Variants in MAGI2 observed in about 807,000 individuals in gnomAD.
The protein encoded by MAGI2 is membrane-associated guanylate kinase, WW and PDZ domain-containing protein 2.
Under a neutral mutation model 133.3 loss-of-function variants are expected in MAGI2, and 35 were observed. The ratio of observed to expected loss-of-function variants is 0.26; its 90% confidence interval spans 0.20 to 0.35. The LOEUF is 0.35. Among genes scored for constraint, MAGI2 ranks in the 10% least tolerant of loss-of-function variants. The pLI is 1.00. For missense variants in MAGI2, 1,636 were observed against 1,863.4 expected (o/e 0.88, Z 2.25); for synonymous variants, 729 against 710.6 (o/e 1.03, Z -0.41).
chr7:79,266,745 A>G (rs535769059), intron 1 of MAGI2, among the ~76,000 whole-genome samples: 1 of 152,274 alleles, frequency 6.6e-6, no homozygotes, highest in South Asian at 2.1e-4. Context: ...CAAGGTGACT[A>G]TGGTCAGGGC....
At chr7:79,390,389 C>T (rs1844515255) in intron 1 of MAGI2, among the ~76,000 whole-genome samples, 1 of 152,080 alleles carries the variant, frequency 6.6e-6, no homozygotes, top group Admixed American at 6.6e-5. Context: ...GACAAAATAA[C>T]CTGAACATTT....
chr7:78,299,450 A>T (rs798347), intron 9 of MAGI2, among the ~76,000 whole-genome samples: 105,155 of 152,098 alleles, frequency 0.69, 37,000 homozygotes, highest in African/African-American at 0.8. Context: ...TATGATACAA[A>T]GCTTAGTTTA....
chr7:78,741,731 G>A (rs1044962466), intron 2 of MAGI2, among the ~76,000 whole-genome samples: 2 of 151,992 alleles, frequency 1.3e-5, no homozygotes, highest in African/African-American at 4.8e-5. Flanking sequence ...CTGTGAAATA[G>A]GGATACTAAC....
chr7:78,445,237 C>T (rs1023217401), intron 6 of MAGI2, among the ~76,000 whole-genome samples: 7 of 152,004 alleles, frequency 4.6e-5, no homozygotes, highest in Non-Finnish European at 1.0e-4. Context: ...TATCTGCCCT[C>T]CTCAACCAGA....
rs75466105 is a variant in MAGI2 at position 78,766,769 on chromosome 7, G to T, written c.419-139530C>A. The stretch of plus-strand genomic sequence containing the variant: ...AGTGTGCCTAGGGAGAATGAGTAAA[G>T]AATCTGTAGGAGAAAACAGAATAAT... On this transcript the variant is annotated intron_variant, in intron 2 of 21. Coordinates refer to ENST00000354212, the MANE Select transcript of MAGI2 (RefSeq NM_012301.4). 2.9e-3 allele frequency among the ~76,000 whole-genome samples: 448 copies of T among 152,264 alleles called. 2 individuals are homozygous for T. Among genetic ancestry groups the T allele is most frequent in the Non-Finnish European group, 5.0e-3 (342 of 68,024 alleles).
intron 1 of MAGI2, among the ~76,000 whole-genome samples, chr7:79,399,787 C>A (rs950994397): frequency 6.6e-6 from 1 of 152,108 alleles, no homozygotes; most frequent in Non-Finnish European, 1.5e-5. Context: ...ATAGAAGCTG[C>A]AGCAAATATT....
chr7:79,185,129 A>T (rs1316939471), intron 1 of MAGI2, among the ~76,000 whole-genome samples: 1 of 151,844 alleles, frequency 6.6e-6, no homozygotes, highest in Non-Finnish European at 1.5e-5. Flanking sequence ...TCCTTTTCAG[A>T]GAAGAGAACT....
intron 2 of MAGI2, among the ~76,000 whole-genome samples, chr7:78,873,314 CA>C (rs1795179489): frequency 6.6e-6 from 1 of 152,198 alleles, no homozygotes; most frequent in Non-Finnish European, 1.5e-5. Context: ...AATCTGGCTG[CA>C]CAGCAGGAGG....
rs565550555 is a variant in MAGI2, at chr7:78,017,165, G to A, written c.*2150C>T. On this transcript the variant is annotated 3_prime_UTR_variant, in exon 22 of 22. Coordinates refer to ENST00000354212, the MANE Select transcript of MAGI2 (RefSeq NM_012301.4). ...AAAGTTAATTTATCCATAGTGGTAC[G>A]TTTCATAAAAATAGTTGCTCACTTA... 13 of 152,704 alleles carry A rather than the reference G, an allele frequency of 8.5e-5. No individual in the cohort carries two copies. The highest frequency in any genetic ancestry group is 1.9e-4 in the East Asian group (1 of 5,190). 9.5% of individuals were successfully genotyped at this position (152,704 alleles called of 1,614,324 possible).
Position 78,569,552 on chromosome 7 carries a change from C to T in MAGI2, c.539-47907G>A, listed in dbSNP as rs375773032. ...TTTAAGTCCTGCCCAATATCACTTGCGTTTAAGAAAACAATTTTCTGGCAA... is the reference window on the plus strand; with the variant it reads ...TTTAAGTCCTGCCCAATATCACTTGTGTTTAAGAAAACAATTTTCTGGCAA... On this transcript the variant is annotated intron_variant, in intron 3 of 21. Transcript: ENST00000354212. 1.6e-4 allele frequency among the ~76,000 whole-genome samples: 25 copies of T among 151,614 alleles called. 1 individual carries two copies. In the East Asian group the frequency reaches 2.3e-3, roughly 14 times the overall value.
rs543700785 is a variant in MAGI2, at chr7:78,892,655, C to T, written c.418+114435G>A. Among the ~76,000 whole-genome samples the T allele has an allele frequency of 2.4e-4, 37 of 152,236 alleles. No homozygotes were observed. The South Asian group carries it at 7.5e-3, about 31-fold the overall frequency. The stretch of plus-strand genomic sequence containing the variant: ...AGGATTCCCTATTTAATAAATGGTG[C>T]TGGGAAAACTGGCTAGCCATATGTA... On this transcript the variant is annotated intron_variant, in intron 2 of 21. Coordinates refer to ENST00000354212, the MANE Select transcript of MAGI2 (RefSeq NM_012301.4).
chr7:78,509,870 G>A (rs368452798), intron 4 of MAGI2, among the ~76,000 whole-genome samples: 3 of 152,128 alleles, frequency 2.0e-5, no homozygotes, highest in East Asian at 1.9e-4. Flanking sequence ...TTGAAATGAG[G>A]GAAAATAATT....
At chr7:79,038,656 T>A (rs541394048) in intron 1 of MAGI2, among the ~76,000 whole-genome samples, 1 of 152,348 alleles carries the variant, frequency 6.6e-6, no homozygotes, top group South Asian at 2.1e-4. Context: ...ATATTTTTCA[T>A]TTCTTTTTAC....
At chr7:78,854,623 G>T (rs1171004196) in intron 2 of MAGI2, among the ~76,000 whole-genome samples, 1 of 151,392 alleles carries the variant, frequency 6.6e-6, no homozygotes. Flanking sequence ...ATCTTTGCAG[G>T]CTAGGTTGGT....
chr7:78,101,121 A>G (rs773924545), intron 20 of MAGI2, among the ~76,000 whole-genome samples: 7 of 152,230 alleles, frequency 4.6e-5, no homozygotes, highest in Non-Finnish European at 8.8e-5. Flanking sequence ...TATAATGTCC[A>G]TACTGCCCAA....
At chr7:78,812,184 A>T (rs943812579) in intron 2 of MAGI2, among the ~76,000 whole-genome samples, 78 of 152,168 alleles carry the variant, frequency 5.1e-4, no homozygotes, top group African/African-American at 1.7e-3. Flanking sequence ...AGTCCAATGA[A>T]ACCCATGTCA....
At chr7:78,627,995 T>C (rs1447415081) in intron 2 of MAGI2, among the ~76,000 whole-genome samples, 1 of 152,162 alleles carries the variant, frequency 6.6e-6, no homozygotes, top group Non-Finnish European at 1.5e-5. Flanking sequence ...ATGGGACCAC[T>C]GTTCCTGACT....
At chr7:79,085,744 GGCT>G (rs1461215881) in intron 1 of MAGI2, among the ~76,000 whole-genome samples, 1 of 151,822 alleles carries the variant, frequency 6.6e-6, no homozygotes, top group East Asian at 1.9e-4. Flanking sequence ...TGTTGTGTAT[GGCT>G]GCTAACGACT....
intron 2 of MAGI2, among the ~76,000 whole-genome samples, chr7:78,773,686 C>T (rs536840238): frequency 1.3e-4 from 20 of 152,260 alleles, no homozygotes; most frequent in Admixed American, 7.2e-4. Flanking sequence ...AGGTAACCCT[C>T]GAACTGAGCC....
Sources: gnomAD v4.1 joint callset for allele counts (sites outside exome capture counted in the v4.1 genomes callset) on GRCh38, gnomAD v4.1.1 for gene constraint, MANE v1.5 for transcripts, NCBI Gene and HGNC (gene_info 2026-07-23, HGNC 2026-07-21) for gene names.